PTPRQ: variants seen among roughly 807,000 people sequenced by gnomAD.
PTPRQ encodes the protein protein tyrosine phosphatase receptor type Q.
PTPRQ carries 199 observed loss-of-function variants against 246.0 expected under a neutral mutation model. The observed-to-expected ratio is 0.81, with a 90% confidence interval of 0.72 to 0.91. The LOEUF is 0.91. PTPRQ is among the 40% of genes least tolerant of loss of function. The pLI, the probability that PTPRQ is intolerant of heterozygous loss-of-function variation, is 0.00. For missense variants in PTPRQ, 2,624 were observed against 2,528.4 expected, an observed-to-expected ratio of 1.04 and a Z score of -0.81; for synonymous variants, 869 against 853.2, an observed-to-expected ratio of 1.02 and a Z score of -0.32.
intron 25 of PTPRQ, among the ~76,000 whole-genome samples, chr12:80,587,116 T>C (rs1042363910): frequency 1.3e-5 from 2 of 152,194 alleles, no homozygotes; most frequent in African/African-American, 4.8e-5. Flanking sequence ...TTGTCTGTTT[T>C]GTTCATTGTA....
chr12:80,463,021 G>T (rs1893254172), intron 6 of PTPRQ, among the ~76,000 whole-genome samples: 1 of 152,142 alleles, frequency 6.6e-6, no homozygotes, highest in African/African-American at 2.4e-5. Context: ...GACAGAGAAT[G>T]ACTTTCACGA....
intron 17 of PTPRQ, among the ~76,000 whole-genome samples, chr12:80,529,100 A>G (rs1895772794): frequency 6.6e-6 from 1 of 152,212 alleles, no homozygotes. Context: ...GGATTATTTA[A>G]TACATAATCA....
intron 17 of PTPRQ, among the ~76,000 whole-genome samples, chr12:80,523,690 A>T (rs1025267999): frequency 6.6e-6 from 1 of 152,178 alleles, no homozygotes; most frequent in African/African-American, 2.4e-5. Flanking sequence ...AGAGTTTCTT[A>T]ATCCTGAGTT....
chr12:80,606,643 C>A lies in PTPRQ; in HGVS notation c.4731+1463C>A, dbSNP rs1357407219. Among the ~76,000 whole-genome samples the A allele has an allele frequency of 2.6e-5, 4 of 151,062 alleles. No individual in the cohort carries two copies. In the East Asian group the frequency reaches 5.9e-4, roughly 22 times the overall value. ...TCCTTTCTCTCTGTCTCTTGACCAA[C>A]TTTATAATTTTATTATGTCTTTGTA... On this transcript the variant is annotated intron_variant, in intron 27 of 44. Transcript: ENST00000644991.
At chr12:80,475,576 G>A (rs1316119780) in intron 8 of PTPRQ, among the ~76,000 whole-genome samples, 1 of 151,862 alleles carries the variant, frequency 6.6e-6, no homozygotes, top group Non-Finnish European at 1.5e-5. Context: ...ATAAGAATTT[G>A]TGGTCTAACA....
At chr12:80,595,800 G>A (rs977562470) in intron 26 of PTPRQ, among the ~76,000 whole-genome samples, 2 of 146,436 alleles carry the variant, frequency 1.4e-5, no homozygotes, top group Non-Finnish European at 3.0e-5. Flanking sequence ...CTACCTATGA[G>A]AGAGAATATG....
At chr12:80,465,925 A>C (rs1592539376) in intron 6 of PTPRQ, among the ~76,000 whole-genome samples, 1 of 152,282 alleles carries the variant, frequency 6.6e-6, no homozygotes, top group East Asian at 1.9e-4. Context: ...AACTGGAAGC[A>C]TTCCCTTTGA....
chr12:80,527,080 T>C (rs1447182205), intron 17 of PTPRQ, among the ~76,000 whole-genome samples: 1 of 152,116 alleles, frequency 6.6e-6, no homozygotes, highest in Non-Finnish European at 1.5e-5. Flanking sequence ...AAAATCATTT[T>C]TGTTTCTACA....
chr12:80,461,284 G>C (rs998524828), intron 6 of PTPRQ, among the ~76,000 whole-genome samples: 1 of 152,068 alleles, frequency 6.6e-6, no homozygotes, highest in Non-Finnish European at 1.5e-5. Context: ...CTAGCAGAAC[G>C]AGCATGTGAT....
chr12:80,613,918 G>A, intron 29 of PTPRQ, 82 bp downstream of exon 29: 1 of 1,376,182 alleles, frequency 7.3e-7, no homozygotes, highest in Non-Finnish European at 9.4e-7. Flanking sequence ...TGCAGTTTGT[G>A]TACACATGAC....
rs1255810044 is a variant in PTPRQ, at chr12:80,603,331, CT to C, written c.4610-1727del. Among the ~76,000 whole-genome samples, 15 of 151,584 alleles carry C rather than the reference CT, an allele frequency of 9.9e-5. 1 individual carries two copies. Among genetic ancestry groups the C allele is most frequent in the Admixed American group, 7.3e-4 (11 of 15,166 alleles). On this transcript the variant is annotated intron_variant, in intron 26 of 44. Transcript: ENST00000644991. ...TTTCATAGTTACCTGAGTTGTCTTC[CT>C]AAATCAATGGAAAAATAATTCTTTT...
chr12:80,627,822 C>T (rs1044502615), intron 33 of PTPRQ, among the ~76,000 whole-genome samples: 4 of 152,046 alleles, frequency 2.6e-5, no homozygotes, highest in East Asian at 1.9e-4. Flanking sequence ...GGAGAAGTGA[C>T]ATCATTCTCT....
rs573656104 is a variant in PTPRQ at position 80,558,706 on chromosome 12, A to C, written c.4285+8972A>C. 1.2e-4 allele frequency among the ~76,000 whole-genome samples: 18 copies of C among 152,172 alleles called. No homozygotes were observed. The South Asian group carries it at 3.3e-3, about 28-fold the overall frequency. The stretch of plus-strand genomic sequence containing the variant: ...TTAAGTTTTTTTAAGAAACTGACAA[A>C]CTGTTTTCCAAAGGAATTGTACCCC... On this transcript the variant is annotated intron_variant, in intron 25 of 44. Coordinates refer to ENST00000644991, the MANE Select transcript of PTPRQ (RefSeq NM_001145026.2).
At chr12:80,603,133 G>T (rs1295556730) in intron 26 of PTPRQ, among the ~76,000 whole-genome samples, 1 of 151,600 alleles carries the variant, frequency 6.6e-6, no homozygotes, top group African/African-American at 2.4e-5. Flanking sequence ...ATCTCAATTT[G>T]CACCCACATC....
intron 44 of PTPRQ, 23 bp downstream of exon 44, chr12:80,678,748 G>T: frequency 1.3e-6 from 2 of 1,535,708 alleles, no homozygotes; most frequent in Non-Finnish European, 1.8e-6. Flanking sequence ...AACAGTATAT[G>T]CCCAGCTTAC....
At chr12:80,466,493 T>C (rs1198234187) in intron 6 of PTPRQ, among the ~76,000 whole-genome samples, 3 of 152,126 alleles carry the variant, frequency 2.0e-5, no homozygotes, top group Non-Finnish European at 4.4e-5. Flanking sequence ...CTTCACAGAA[T>C]TGGAAAAAAC....
At chr12:80,568,997 T>C (rs1232783135) in intron 25 of PTPRQ, among the ~76,000 whole-genome samples, 1 of 152,156 alleles carries the variant, frequency 6.6e-6, no homozygotes, top group East Asian at 1.9e-4. Context: ...TCAAGCACAT[T>C]GGAATGTGCA....
chr12:80,610,407 C>A (rs1005938504), intron 27 of PTPRQ, 32 bp from the exon 28 acceptor site: 5 of 1,442,280 alleles, frequency 3.5e-6, no homozygotes, highest in Non-Finnish European at 4.5e-6. Context: ...TCAAGTGCTG[C>A]TTCCTTAATT....
chr12:80,468,781 C>A lies in PTPRQ; in HGVS notation c.982C>A (p.Pro328Thr), dbSNP rs1893528789. The A allele has an allele frequency of 6.5e-7, 1 of 1,550,022 alleles. No homozygotes were observed. Among genetic ancestry groups the A allele is most frequent in the South Asian group, 1.2e-5 (1 of 83,748 alleles). Residue 328 changes from proline (P) to threonine (T), a missense_variant, in exon 7 of 45, where the codon CCA (proline) becomes ACA (threonine). Transcript: ENST00000644991. ...AAAGTCCTTTTCAATTTTATGGGACCCACCAACTATAGTAACAGGGAAATT... is the reference window on the plus strand; with the variant it reads ...AAAGTCCTTTTCAATTTTATGGGACACACCAACTATAGTAACAGGGAAATT... ...TGKSFSILWD[P>T]PTIVTGKFSY...
Sources: gnomAD v4.1 joint callset for allele counts (sites outside exome capture counted in the v4.1 genomes callset) on GRCh38, gnomAD v4.1.1 for gene constraint, MANE v1.5 for transcripts, NCBI Gene and HGNC (gene_info 2026-07-23, HGNC 2026-07-21) for gene names.